DCHS2: variants seen among roughly 807,000 people sequenced by gnomAD.
The protein encoded by DCHS2 is dachsous cadherin-related 2.
In DCHS2, 142 loss-of-function variants were observed where a neutral mutation model predicts 182.4. The observed-to-expected ratio is 0.78, with a 90% CI of 0.68 to 0.89. DCHS2 has a LOEUF of 0.89. DCHS2 is among the 40% of genes least tolerant of loss of function. DCHS2 has a pLI of 0.00. For synonymous variants in DCHS2, 1,740 were observed against 1,663.3 expected (o/e 1.05, Z -1.12); for missense variants, 4,319 against 4,198.6 (o/e 1.03, Z -0.79).
Position 154,373,975 on chromosome 4 carries a change from C to G in DCHS2, c.2244+3278G>C, listed in dbSNP as rs372287594. 84 of 1,502,390 alleles carry G rather than the reference C, an allele frequency of 5.6e-5. No individual in the cohort carries two copies. The African/African-American group carries it at 9.9e-4, about 18-fold the overall frequency. The allele number at this position is 1,502,390 out of a possible 1,614,324, so 93.1% of individuals were successfully genotyped here. ...CTCATCCTGAAAACAATGAATTGAT[C>G]CTTTTTGGAGGTGGATATTTTAATA... On this transcript the variant is annotated intron_variant, in intron 2 of 19. Transcript: ENST00000357232.
intron 1 of DCHS2, among the ~76,000 whole-genome samples, chr4:154,442,039 A>G (rs187507271): frequency 2.6e-5 from 4 of 152,232 alleles, no homozygotes; most frequent in Admixed American, 1.3e-4. Context: ...CATCAAATAT[A>G]CCATACTCAT....
rs561809260 is a variant in DCHS2, at chr4:154,251,135, C to T, written c.6941+4384G>A. 1.7e-3 allele frequency among the ~76,000 whole-genome samples: 259 copies of T among 152,326 alleles called. 2 individuals are homozygous for T. The highest frequency in any genetic ancestry group is 5.8e-3 in the African/African-American group (241 of 41,574). On this transcript the variant is annotated intron_variant, in intron 16 of 19. Transcript: ENST00000357232. ...AATTAACATCTCAGTCCATTTCCTACGTTGCCTGTAAAATTGCTTTCTCCC... is the reference window on the plus strand; with the variant it reads ...AATTAACATCTCAGTCCATTTCCTATGTTGCCTGTAAAATTGCTTTCTCCC...
Position 154,490,206 on chromosome 4 carries a change from C to T in DCHS2, c.1150G>A (p.Glu384Lys). 1 of 1,549,574 alleles carries T rather than the reference C, an allele frequency of 6.5e-7. No individual in the cohort carries two copies. Among genetic ancestry groups the T allele is most frequent in the Non-Finnish European group, 8.7e-7 (1 of 1,146,768 alleles). The change falls in exon 1 of 20, where the codon GAG becomes AAG. Residue 384 changes from glutamate (E) to lysine (K), a missense_variant. Physicochemically the swap from Glu to Lys is moderately conservative, Grantham distance 56 (BLOSUM62 1). Transcript: ENST00000357232. ...EAQAWHQLVV[E>K]ARDGGAEPEV... ...GGCTCGGCGCCTCCATCGCGGGCCTCCACCACCAACTGGTGCCAGGCCTGT... is the reference window on the plus strand; with the variant it reads ...GGCTCGGCGCCTCCATCGCGGGCCTTCACCACCAACTGGTGCCAGGCCTGT...
At chr4:154,360,720 A>G (rs1730080141) in intron 3 of DCHS2, among the ~76,000 whole-genome samples, 1 of 152,182 alleles carries the variant, frequency 6.6e-6, no homozygotes, top group African/African-American at 2.4e-5. Context: ...ACAAGTCTGT[A>G]CTACATTACT....
chr4:154,298,598 A>G lies in DCHS2; in HGVS notation c.5716T>C (p.Ser1906Pro). 4.3e-6 allele frequency: 7 copies of G among 1,614,156 alleles called. No homozygotes were observed. The highest frequency in any genetic ancestry group is 5.9e-6 in the Non-Finnish European group (7 of 1,179,988). Residue 1906 changes from serine to proline, a missense_variant, in exon 13 of 20, where the codon TCT becomes CCT. Physicochemically the swap from Ser to Pro is moderately conservative, Grantham distance 74. Transcript: ENST00000357232. Reference sequence around the variant, plus strand: ...CTCCTAGGTGGATCTCCCAGGTCAGAGCACAGAATGACAAGGGTAAAATTG... The same window carrying G: ...CTCCTAGGTGGATCTCCCAGGTCAGGGCACAGAATGACAAGGGTAAAATTG... ...ISNFTLVILC[S>P]DLGDPPRSSV...
At chr4:154,242,844 A>G (rs576258937) in intron 16 of DCHS2, 72 bp from the exon 17 acceptor site, 22 of 1,497,160 alleles carry the variant, frequency 1.5e-5, no homozygotes, top group Non-Finnish European at 1.9e-5. Context: ...AATATCAAAT[A>G]TCTAGTTGAA....
chr4:154,289,853 C>T (rs1734569917), intron 13 of DCHS2, among the ~76,000 whole-genome samples: 1 of 151,998 alleles, frequency 6.6e-6, no homozygotes, highest in South Asian at 2.1e-4. Context: ...TCAATTCATG[C>T]TGAAAAAGCA....
At position 154,357,228 on chromosome 4, in the gene DCHS2, C is replaced by T. The variant is rs368253510; in HGVS notation, c.2476+8982G>A. ...GAAGGCTAACCTCTACTTGAAGTGC[C>T]TTAGCAGAGGTAAAAACATCTCTAA... On this transcript the variant is annotated intron_variant, in intron 3 of 19. Coordinates refer to ENST00000357232, the MANE Select transcript of DCHS2 (RefSeq NM_001358235.2). 1.9e-6 allele frequency: 3 copies of T among 1,607,824 alleles called. No individual in the cohort carries two copies. The African/African-American group carries it at 4.0e-5, about 22-fold the overall frequency.
At chr4:154,417,202 TGTGAGAGAGAGAGAGAGAGA>T (rs1475229427) in intron 1 of DCHS2, among the ~76,000 whole-genome samples, 9 of 42,018 alleles carry the variant, frequency 2.1e-4, no homozygotes, top group African/African-American at 6.7e-4. Flanking sequence ...TGTGTGTGTG[TGTGAGAGAGAGAGAGAGAGA>T]GAGAGAGAGA....
At chr4:154,337,960 C>T (rs1398115832) in intron 3 of DCHS2, among the ~76,000 whole-genome samples, 4 of 152,064 alleles carry the variant, frequency 2.6e-5, no homozygotes, top group Admixed American at 6.6e-5. Context: ...AGCCTGGTCT[C>T]GAACTCCTGA....
chr4:154,370,143 C>G (rs1730576736), intron 2 of DCHS2, among the ~76,000 whole-genome samples: 1 of 152,000 alleles, frequency 6.6e-6, no homozygotes, highest in Non-Finnish European at 1.5e-5. Context: ...AATGAGGTTC[C>G]AGCTTCTTAA....
In DCHS2 at chr4:154,234,301, A is replaced by G. The variant is rs1256854851; in HGVS notation, c.*235T>C. On this transcript the variant is annotated 3_prime_UTR_variant, in exon 20 of 20. Coordinates refer to ENST00000357232, the MANE Select transcript of DCHS2 (RefSeq NM_001358235.2). ...GGTCTGACAGAATATACACTACTTA[A>G]TATATACAAATGTGAGTCCTGAGAG... is the stretch of plus-strand genomic sequence containing the variant. 4.0e-6 allele frequency: 2 copies of G among 493,942 alleles called. No individual in the cohort carries two copies. Among genetic ancestry groups the G allele is most frequent in the Non-Finnish European group, 6.9e-6 (2 of 289,072 alleles). The allele number at this position is 493,942 out of a possible 1,614,324, so 30.6% of individuals were successfully genotyped here.
intron 1 of DCHS2, among the ~76,000 whole-genome samples, chr4:154,420,185 A>C (rs529769195): frequency 6.6e-6 from 1 of 152,112 alleles, no homozygotes. Flanking sequence ...GGAGAGAAGA[A>C]GTGAGAAAAA....
intron 16 of DCHS2, among the ~76,000 whole-genome samples, chr4:154,254,492 T>A (rs563121344): frequency 2.0e-5 from 3 of 152,314 alleles, no homozygotes; most frequent in Admixed American, 6.5e-5. Context: ...ATTCCAGGGT[T>A]TTGCTAATTC....
intron 1 of DCHS2, among the ~76,000 whole-genome samples, chr4:154,432,929 C>CTA (rs1377812592): frequency 1.1e-4 from 17 of 152,264 alleles, no homozygotes; most frequent in Admixed American, 3.3e-4. Flanking sequence ...AGATCTCTCT[C>CTA]TCTATATATA....
chr4:154,424,165 T>C (rs937020037), intron 1 of DCHS2, among the ~76,000 whole-genome samples: 1 of 151,972 alleles, frequency 6.6e-6, no homozygotes, highest in Non-Finnish European at 1.5e-5. Flanking sequence ...AACAAAAAAA[T>C]AGGGCTGAAA....
At chr4:154,370,066 C>T (rs80291273) in intron 2 of DCHS2, among the ~76,000 whole-genome samples, 5,965 of 152,180 alleles carry the variant, frequency 0.039, 153 homozygotes, top group Middle Eastern at 0.061. Flanking sequence ...GGTTTCATTC[C>T]AGTGAGCTTT....
chr4:154,276,700 G>A (rs930351213), intron 13 of DCHS2, among the ~76,000 whole-genome samples: 2 of 152,132 alleles, frequency 1.3e-5, no homozygotes, highest in African/African-American at 4.8e-5. Context: ...TAGCAAGATG[G>A]CAGAATGGGA....
intron 1 of DCHS2, among the ~76,000 whole-genome samples, chr4:154,419,102 A>G (rs1243525584): frequency 6.6e-6 from 1 of 152,152 alleles, no homozygotes; most frequent in African/African-American, 2.4e-5. Flanking sequence ...TCAATTTAAT[A>G]GGCAATGCTG....
Sources: gnomAD v4.1 joint callset for allele counts (sites outside exome capture counted in the v4.1 genomes callset) on GRCh38, gnomAD v4.1.1 for gene constraint, MANE v1.5 for transcripts, NCBI Gene and HGNC (gene_info 2026-07-23, HGNC 2026-07-21) for gene names.